Variants in ANKRD30B observed in about 807,000 individuals in gnomAD.
ANKRD30B encodes ankyrin repeat domain-containing protein 30B.
ANKRD30B carries 144 observed loss-of-function variants against 202.2 expected under a neutral mutation model. The observed-to-expected ratio is 0.71, with a 90% CI of 0.62 to 0.82. The LOEUF is 0.82. ANKRD30B is among the 40% of genes least tolerant of loss of function. The pLI is 0.00. For synonymous variants in ANKRD30B, 508 were observed against 561.3 expected (o/e 0.91, Z 1.34); for missense variants, 1,487 against 1,669.1 (o/e 0.89, Z 1.90).
chr18:14,838,307 G>A (rs1385272575), intron 36 of ANKRD30B, among the ~76,000 whole-genome samples: 4 of 152,178 alleles, frequency 2.6e-5, no homozygotes, highest in Admixed American at 1.3e-4. Context: ...AACTGGATTC[G>A]AGGAGAAAGA....
In ANKRD30B at chr18:14,834,791, A is replaced by G. The variant is rs1412355917; in HGVS notation, c.2848-2420A>G. Among the ~76,000 whole-genome samples, 16 of 152,124 alleles carry G rather than the reference A, an allele frequency of 1.1e-4. No homozygotes were observed. In the East Asian group the frequency reaches 3.1e-3, roughly 29 times the overall value. On this transcript the variant is annotated intron_variant, in intron 34 of 43. Coordinates refer to ENST00000690538, the MANE Select transcript of ANKRD30B (RefSeq NM_001367607.2). ...GTGATAATATGTACCCCCAAAACGT[A>G]CATTTATAGTGTGTCAACAAAAAAA...
intron 40 of ANKRD30B, among the ~76,000 whole-genome samples, chr18:14,849,600 T>C (rs77224870): frequency 6.6e-6 from 1 of 151,740 alleles, no homozygotes; most frequent in Non-Finnish European, 1.5e-5. Context: ...TAAATATTTA[T>C]ACTTTTTCTT....
intron 30 of ANKRD30B, chr18:14,816,281 G>C (rs1044566973): frequency 6.6e-6 from 1 of 152,092 alleles, no homozygotes; most frequent in Non-Finnish European, 1.5e-5. Context: ...ATAAATGTTT[G>C]TAGAATGTTC....
Position 14,784,509 on chromosome 18 carries a change from T to G in ANKRD30B, c.1646T>G (p.Leu549Trp), listed in dbSNP as rs761156829. Residue 549 changes from leucine (L) to tryptophan (W), a missense_variant, in exon 14 of 44, where the codon TTG (leucine) becomes TGG (tryptophan). Coordinates refer to ENST00000690538, the MANE Select transcript of ANKRD30B (RefSeq NM_001367607.2). ...QKTVPNKAFE[L>W]KNEQTLRAAQ... is the part of the protein sequence containing the mutation. ...ACTGTTCCAAATAAAGCCTTTGAATTGAAGAATGAACAAACATTGAGAGCA... is the reference window on the plus strand; with the variant it reads ...ACTGTTCCAAATAAAGCCTTTGAATGGAAGAATGAACAAACATTGAGAGCA... 4.3e-6 allele frequency: 7 copies of G among 1,613,094 alleles called. No homozygotes were observed. The South Asian group carries it at 7.7e-5, about 18-fold the overall frequency.
chr18:14,748,623 A>T lies in ANKRD30B; in HGVS notation c.204A>T (p.Lys68Asn), dbSNP rs1161068817. The stretch of plus-strand genomic sequence containing the variant: ...GGAAGAAGCCCGTCAACCTGAACAA[A>T]AGAGATATGAAGAAGAGGTACCAGG... The part of the protein sequence containing the change: ...TVGKKPVNLN[K>N]RDMKKRTALH... The change falls in exon 1 of 44, where the codon AAA becomes AAT. Residue 68 changes from lysine (K) to asparagine (N), a missense_variant. By Grantham distance (94) the Lys-to-Asn change is moderately conservative (BLOSUM62 0). This residue lies in a region of ANKRD30B where 889 missense variants were observed against 841.4 expected (regional missense o/e 1.06). Coordinates refer to ENST00000690538, the MANE Select transcript of ANKRD30B (RefSeq NM_001367607.2). 13 of 1,563,482 alleles carry T rather than the reference A, an allele frequency of 8.3e-6. No homozygotes were observed. The highest frequency in any genetic ancestry group is 1.1e-5 in the Non-Finnish European group (13 of 1,154,216).
the ANKRD30B span, among the ~76,000 whole-genome samples, chr18:14,914,297 G>C: frequency 3.9e-5 from 6 of 152,200 alleles, no homozygotes; most frequent in Admixed American, 6.5e-5. Flanking sequence ...TGAGTTATGA[G>C]TAAGTTACCT....
At chr18:14,776,308 A>T (rs556253844) in intron 9 of ANKRD30B, among the ~76,000 whole-genome samples, 1 of 152,326 alleles carries the variant, frequency 6.6e-6, no homozygotes, top group East Asian at 1.9e-4. Context: ...CAAATAAAAA[A>T]CACTTATAAG....
intron 1 of ANKRD30B, among the ~76,000 whole-genome samples, chr18:14,749,074 T>C (rs1158142505): frequency 6.6e-6 from 1 of 152,252 alleles, no homozygotes. Context: ...CCTTCTTGGC[T>C]AAAAATTCTT....
intron 36 of ANKRD30B, 97 bp from the exon 37 acceptor site, chr18:14,840,491 A>T (rs1282754214): frequency 4.1e-6 from 2 of 485,346 alleles, no homozygotes; most frequent in Non-Finnish European, 6.4e-6. Context: ...ATGAGCCAAG[A>T]TCATGCCACT....
intron 26 of ANKRD30B, among the ~76,000 whole-genome samples, chr18:14,809,652 G>C (rs369531953): frequency 2.6e-5 from 4 of 150,970 alleles, no homozygotes; most frequent in Middle Eastern, 3.4e-3. Context: ...CTGACTGCAC[G>C]TCCATTCACA....
the ANKRD30B span, among the ~76,000 whole-genome samples, chr18:14,904,179 G>T: frequency 1.3e-5 from 2 of 152,118 alleles, no homozygotes; most frequent in African/African-American, 4.8e-5. Flanking sequence ...CCCATGATCT[G>T]GCCTAAAGTT....
At chr18:14,785,896 G>T (rs1437799163) in intron 14 of ANKRD30B, among the ~76,000 whole-genome samples, 1 of 151,960 alleles carries the variant, frequency 6.6e-6, no homozygotes, top group Non-Finnish European at 1.5e-5. Context: ...AAATTAGCCG[G>T]GTGCGGTGGC....
At chr18:14,846,578 T>C (rs1971646920) in intron 39 of ANKRD30B, among the ~76,000 whole-genome samples, 1 of 151,946 alleles carries the variant, frequency 6.6e-6, no homozygotes, top group South Asian at 2.1e-4. Context: ...CTATCTATTT[T>C]TGTATCATGT....
chr18:14,835,520 A>G (rs1268048090), intron 34 of ANKRD30B, among the ~76,000 whole-genome samples: 2 of 151,658 alleles, frequency 1.3e-5, no homozygotes, highest in African/African-American at 2.4e-5. Context: ...GTTTATTTCT[A>G]AAACTCAGGA....
the ANKRD30B span, among the ~76,000 whole-genome samples, chr18:14,915,192 G>T: frequency 6.6e-6 from 1 of 152,134 alleles, no homozygotes; most frequent in Non-Finnish European, 1.5e-5. Flanking sequence ...TTAGAATGAG[G>T]CAAGTAAGAG....
intron 32 of ANKRD30B, among the ~76,000 whole-genome samples, chr18:14,824,797 AT>A (rs767608751): frequency 1.5e-4 from 23 of 152,214 alleles, no homozygotes; most frequent in Non-Finnish European, 2.8e-4. Flanking sequence ...CAGGAAATAT[AT>A]TAGGTGATGT....
At chr18:14,836,201 T>G (rs186129934) in intron 34 of ANKRD30B, among the ~76,000 whole-genome samples, 1 of 152,198 alleles carries the variant, frequency 6.6e-6, no homozygotes, top group Non-Finnish European at 1.5e-5. Context: ...TTTATCTAGA[T>G]CTTTCTTCTA....
chr18:14,816,239 A>G (rs1459023278), intron 30 of ANKRD30B: 1 of 152,204 alleles, frequency 6.6e-6, no homozygotes, highest in East Asian at 1.9e-4. Context: ...GCATATACAC[A>G]TTGGCATTAA....
Position 14,785,998 on chromosome 18 carries a change from A to G in ANKRD30B, c.1673-1041A>G, listed in dbSNP as rs906963310. On this transcript the variant is annotated intron_variant, in intron 14 of 43. Transcript: ENST00000690538. ...GCTTGCAGTGAGCCGAGATTGCGCC[A>G]CTGCAGTCTGCAGTCCGGCCTGGGC... 3.8e-5 allele frequency among the ~76,000 whole-genome samples: 5 copies of G among 130,686 alleles called. No homozygotes were observed. The Admixed American group carries it at 4.8e-4, about 13-fold the overall frequency. The allele number at this position is 130,686 out of a possible 152,430, so 85.7% of individuals were successfully genotyped here.
Sources: allele counts gnomAD v4.1 joint callset (sites outside exome capture counted in the v4.1 genomes callset), GRCh38; gene constraint gnomAD v4.1.1; regional missense constraint gnomAD v4.1.1; transcripts MANE v1.5; gene names NCBI Gene and HGNC (gene_info 2026-07-23, HGNC 2026-07-21).